The following DNAJB2 variants were observed in gnomAD, a reference collection of about 807,000 sequenced individuals.
DNAJB2 encodes dnaJ homolog subfamily B member 2.
DNAJB2 carries 19 observed loss-of-function variants against 33.3 expected under a neutral mutation model. The ratio of observed to expected loss-of-function variants is 0.57; its 90% confidence interval spans 0.40 to 0.84. The LOEUF (loss-of-function observed/expected upper bound fraction) is 0.84, where lower values mean the gene tolerates loss of function less well. Ranked by LOEUF, DNAJB2 falls within the 40% of genes least tolerant of loss-of-function variation. DNAJB2 has a pLI of 0.00. For synonymous variants in DNAJB2, 172 were observed against 164.6 expected (o/e 1.04, Z -0.34); for missense variants, 368 against 430.9 (o/e 0.85, Z 1.29).
Position 219,284,949 on chromosome 2 carries a change from T to C in DNAJB2, c.937T>C (p.Ser313Pro). 6.5e-7 allele frequency: 1 copy of C among 1,547,156 alleles called. No homozygotes were observed. The highest frequency in any genetic ancestry group is 8.8e-7 in the Non-Finnish European group (1 of 1,142,344). ...GGGTGAAGCAACCAAACGCAGTCCA[T>C]CCCCAGAGGAGAAGGCCTCTCGCTG... Reference protein sequence around the residue: ...ARGEATKRSPSPEEKASRCLI... With the variant: ...ARGEATKRSPPPEEKASRCLI... The change falls in exon 9 of 9, where the codon TCC (serine) becomes CCC (proline). Residue 313 changes from serine (S) to proline (P), a missense_variant. Transcript: ENST00000336576.
Position 219,284,916 on chromosome 2 carries a change from G to A in DNAJB2, c.904G>A (p.Gly302Ser). 6.3e-7 allele frequency: 1 copy of A among 1,584,696 alleles called. No individual in the cohort carries two copies. The highest frequency in any genetic ancestry group is 1.1e-5 in the South Asian group (1 of 88,530). Residue 302 changes from glycine (G) to serine (S), a missense_variant, in exon 9 of 9, where the codon GGT becomes AGT. Transcript: ENST00000336576. Reference sequence around the variant, plus strand: ...TCCAGGCTTGGGGGGGACCCAGGAGGGTGCGAGGGGTGAAGCAACCAAACG... The same window carrying A: ...TCCAGGCTTGGGGGGGACCCAGGAGAGTGCGAGGGGTGAAGCAACCAAACG... ...QDPGLGGTQE[G>S]ARGEATKRSP...
At position 219,282,942 on chromosome 2, in the gene DNAJB2, C is replaced by T; in HGVS notation, c.445+13C>T. On this transcript the variant is annotated intron_variant, in intron 6 of 8. Coordinates refer to ENST00000336576, the MANE Select transcript of DNAJB2 (RefSeq NM_006736.6). ...CCTGGGCACTCCGGTAAGTTCTGCC[C>T]CTTCCCACGTTTGCAAGCTCCGATT... 1 of 1,578,006 alleles carries T rather than the reference C, an allele frequency of 6.3e-7. No individual in the cohort carries two copies. The highest frequency in any genetic ancestry group is 8.6e-7 in the Non-Finnish European group (1 of 1,164,236).
chr2:219,284,456 C>G (rs1203717607), intron 8 of DNAJB2, among the ~76,000 whole-genome samples, 176 bp from the exon 9 acceptor site: 1 of 152,188 alleles, frequency 6.6e-6, no homozygotes, highest in Non-Finnish European at 1.5e-5. Context: ...GGAGCTTCTA[C>G]CTGGTAGAGC....
chr2:219,283,390 C>T (rs373945499), intron 7 of DNAJB2, 29 bp from the exon 8 acceptor site: 31 of 1,612,180 alleles, frequency 1.9e-5, no homozygotes, highest in East Asian at 8.9e-5. Flanking sequence ...TGTCACTGCT[C>T]GTTGCCTGAA....
chr2:219,279,745 A>T lies in DNAJB2; in HGVS notation c.-36-53A>T. The T allele has an allele frequency of 6.8e-7, 1 of 1,479,916 alleles. No individual in the cohort carries two copies. Among genetic ancestry groups the T allele is most frequent in the Non-Finnish European group, 9.3e-7 (1 of 1,074,212 alleles). 91.7% of individuals were successfully genotyped at this position (1,479,916 alleles called of 1,614,324 possible). On this transcript the variant is annotated intron_variant, in intron 1 of 8. Transcript: ENST00000336576. This position sits in a 1 kb window ranked among gnomAD's most constrained non-coding sequence, Gnocchi z 4.9. ...GCCACCCGGGGAGGGGGACTGCTGCAGCCACAGGGTGGGGCTCTTGGTTCT... is the reference window on the plus strand; with the variant it reads ...GCCACCCGGGGAGGGGGACTGCTGCTGCCACAGGGTGGGGCTCTTGGTTCT...
chr2:219,283,353 G>A lies in DNAJB2; in HGVS notation c.549-66G>A. 23 of 1,608,180 alleles carry A rather than the reference G, an allele frequency of 1.4e-5. 2 individuals are homozygous for A. In the South Asian group the frequency reaches 2.0e-4, roughly 14 times the overall value. The stretch of plus-strand genomic sequence containing the variant: ...TCTGCGCTCTCTACTGCGGTGGCCA[G>A]AACTGGGACCAGCGCCTGCAGGATT... On this transcript the variant is annotated intron_variant, in intron 7 of 8. Coordinates refer to ENST00000336576, the MANE Select transcript of DNAJB2 (RefSeq NM_006736.6).
At chr2:219,280,713 C>G in intron 3 of DNAJB2, 26 bp downstream of exon 3, 1 of 1,503,612 alleles carries the variant, frequency 6.7e-7, no homozygotes, top group South Asian at 1.1e-5. Context: ...AGGCAGGACC[C>G]AGCACATCAC....
intron 8 of DNAJB2, 26 bp from the exon 9 acceptor site, chr2:219,284,606 C>T (rs753484235): frequency 1.3e-6 from 2 of 1,558,538 alleles, no homozygotes; most frequent in Non-Finnish European, 1.7e-6. Context: ...CAGGTTGGGG[C>T]CTCATGGTGG....
intron 6 of DNAJB2, 33 bp downstream of exon 6, chr2:219,282,962 C>G (rs2125082831): frequency 1.3e-6 from 2 of 1,566,346 alleles, no homozygotes; most frequent in Non-Finnish European, 1.7e-6. Context: ...TTTGCAAGCT[C>G]CGATTCCTGG....
chr2:219,283,974 G>A (rs7591074), intron 8 of DNAJB2, among the ~76,000 whole-genome samples: 29,638 of 152,160 alleles, frequency 0.19, 3,891 homozygotes, highest in Non-Finnish European at 0.29. Flanking sequence ...GTGCAGGGCC[G>A]TCACCACAGC....
Position 219,279,710 on chromosome 2 carries a change from A to C in DNAJB2, c.-36-88A>C. On this transcript the variant is annotated intron_variant, in intron 1 of 8. Transcript: ENST00000336576. This position sits in a 1 kb window ranked among gnomAD's most constrained non-coding sequence, Gnocchi z 4.9. ...CCGGTGTGCTCCGCTTCCAACTGGG[A>C]GCGCCTTCCGCCACCCGGGGAGGGG... 1 of 1,028,342 alleles carries C rather than the reference A, an allele frequency of 9.7e-7. No homozygotes were observed. The highest frequency in any genetic ancestry group is 1.4e-6 in the Non-Finnish European group (1 of 700,322). 63.7% of individuals were successfully genotyped at this position (1,028,342 alleles called of 1,614,324 possible). A position where few individuals can be genotyped will look rare whatever the true frequency, so the allele number is the denominator to read the frequency against.
rs1951920540 is a variant in DNAJB2, at chr2:219,283,054, C to G, written c.446-79C>G. 3 of 1,591,520 alleles carry G rather than the reference C, an allele frequency of 1.9e-6. No homozygotes were observed. The African/African-American group carries it at 4.0e-5, about 21-fold the overall frequency. ...GCCTCCAGCAGCCCTGCGAGGCGGCCTGGAGCCTCGGTGACCACAACAGGC... is the reference window on the plus strand; with the variant it reads ...GCCTCCAGCAGCCCTGCGAGGCGGCGTGGAGCCTCGGTGACCACAACAGGC... On this transcript the variant is annotated intron_variant, in intron 6 of 8. Coordinates refer to ENST00000336576, the MANE Select transcript of DNAJB2 (RefSeq NM_006736.6).
Position 219,283,114 on chromosome 2 carries a change from T to TCCC in DNAJB2, c.446-18_446-16dup. On this transcript the variant is annotated intron_variant, in intron 6 of 8. Coordinates refer to ENST00000336576, the MANE Select transcript of DNAJB2 (RefSeq NM_006736.6). The stretch of plus-strand genomic sequence containing the variant: ...TTCTTCTAACCACCTCTCCTCCTCC[T>TCCC]CCCTTGTCCCGATGCCAGATTTCTC... The TCCC allele has an allele frequency of 6.2e-7, 1 of 1,613,608 alleles. No individual in the cohort carries two copies. Among genetic ancestry groups the TCCC allele is most frequent in the Non-Finnish European group, 8.5e-7 (1 of 1,179,564 alleles).
intron 8 of DNAJB2, among the ~76,000 whole-genome samples, chr2:219,283,700 C>T (rs1424280511): frequency 3.3e-5 from 5 of 152,224 alleles, no homozygotes; most frequent in Non-Finnish European, 7.3e-5. Context: ...GGGTGCCTTA[C>T]ATTTGCAAAG....
intron 5 of DNAJB2, 55 bp from the exon 6 acceptor site, chr2:219,282,782 C>T (rs1951917140): frequency 1.3e-6 from 2 of 1,494,714 alleles, no homozygotes; most frequent in Non-Finnish European, 1.8e-6. Context: ...GGCTCACACA[C>T]TTTTGAGGGG....
At position 219,286,103 on chromosome 2, in the gene DNAJB2, GTAGAGCC is replaced by G; in HGVS notation, c.*1117_*1123del. Reference sequence around the variant, plus strand: ...TTTCTCCCCCTCACCCATGCTGAGTGTAGAGCCGGGGCCTGGGTGGCGGGTGGGGGCC... The same window carrying G: ...TTTCTCCCCCTCACCCATGCTGAGTGGGGGCCTGGGTGGCGGGTGGGGGCC... On this transcript the variant is annotated 3_prime_UTR_variant, in exon 9 of 9. Transcript: ENST00000336576. 9.6e-7 allele frequency: 1 copy of G among 1,041,340 alleles called. No individual in the cohort carries two copies. The highest frequency in any genetic ancestry group is 1.3e-6 in the Non-Finnish European group (1 of 761,170). The allele number at this position is 1,041,340 out of a possible 1,614,324, so 64.5% of individuals were successfully genotyped here. A position where few individuals can be genotyped will look rare whatever the true frequency, so the allele number is the denominator to read the frequency against.
chr2:219,281,997 C>T lies in DNAJB2; in HGVS notation c.288C>T (p.Phe96=), dbSNP rs779054411. 2 of 1,614,204 alleles carry T rather than the reference C, an allele frequency of 1.2e-6. No homozygotes were observed. The highest frequency in any genetic ancestry group is 2.2e-5 in the South Asian group (2 of 91,086). ...GTGGGCCTGGCTTCACCTTCACCTT[C>T]CGCAGCCCCGAGGAGGTCTTCCGGG... ...GSGGPGFTFT[F]RSPEEVFREF... The change falls in exon 5 of 9, where the codon TTC becomes TTT. Residue 96 remains phenylalanine (F), a synonymous_variant. Transcript: ENST00000336576.
In DNAJB2 at chr2:219,281,779, G is replaced by C. The variant is rs1181656151; in HGVS notation, c.229+8G>C. 6 of 1,613,940 alleles carry C rather than the reference G, an allele frequency of 3.7e-6. No individual in the cohort carries two copies. In the Admixed American group the frequency reaches 5.0e-5, roughly 13 times the overall value. On this transcript the variant is annotated splice_region_variant and intron_variant, in intron 4 of 8. Transcript: ENST00000336576. ...AAGGGCTGACAGGGACAGGTAGGTG[G>C]AGTGGTGAGGCCCAGGAATGGAGGT...
At chr2:219,282,683 A>T in intron 5 of DNAJB2, 154 bp from the exon 6 acceptor site, 1 of 623,156 alleles carries the variant, frequency 1.6e-6, no homozygotes, top group Non-Finnish European at 2.6e-6. Flanking sequence ...CGAATTCAAC[A>T]TTAAAAAGGA....
Sources: allele counts gnomAD v4.1 joint callset (sites outside exome capture counted in the v4.1 genomes callset), GRCh38; gene constraint gnomAD v4.1.1; non-coding constraint Gnocchi (gnomAD v3.1); transcripts MANE v1.5; gene names NCBI Gene and HGNC (gene_info 2026-07-23, HGNC 2026-07-21).